UNC13C: variants seen among roughly 807,000 people sequenced by gnomAD.
UNC13C encodes the protein unc-13 homolog C, also known as protein unc-13 homolog C.
In UNC13C, 174 loss-of-function variants were observed where a neutral mutation model predicts 245.4. That is an observed-to-expected ratio of 0.71 (90% CI 0.63 to 0.80). The LOEUF (loss-of-function observed/expected upper bound fraction) is 0.80. Among genes scored for constraint, UNC13C ranks in the 30% least tolerant of loss-of-function variants. The pLI, the probability that UNC13C is intolerant of heterozygous loss-of-function variation, is 0.00. For missense variants in UNC13C, 2,829 were observed against 2,602.9 expected, an observed-to-expected ratio of 1.09 and a Z score of -1.89; for synonymous variants, 992 against 895.1, an observed-to-expected ratio of 1.11 and a Z score of -1.93.
intron 19 of UNC13C, among the ~76,000 whole-genome samples, chr15:54,451,028 C>A (rs1280330122): frequency 6.6e-6 from 1 of 151,418 alleles, no homozygotes; most frequent in African/African-American, 2.4e-5. Flanking sequence ...TGGATACTTT[C>A]TTTTTCTTTT....
intron 27 of UNC13C, among the ~76,000 whole-genome samples, chr15:54,548,334 G>A (rs1896586696): frequency 6.9e-6 from 1 of 144,358 alleles, no homozygotes; most frequent in Non-Finnish European, 1.5e-5. Flanking sequence ...CCATTCTCCT[G>A]CCTCAGCCTC....
At position 54,494,735 on chromosome 15, in the gene UNC13C, G is replaced by T. The variant is rs760434586; in HGVS notation, c.5060+1G>T. 1.5e-5 allele frequency: 24 copies of T among 1,609,392 alleles called. No homozygotes were observed. Among genetic ancestry groups the T allele is most frequent in the Non-Finnish European group, 2.0e-5 (23 of 1,177,950 alleles). The stretch of plus-strand genomic sequence containing the variant: ...AGGATGCTGTTCCTGAATACTCCTT[G>T]TAAGTAGTGATTTTAACACACACAC... On this transcript the variant is annotated splice_donor_variant, in intron 20 of 32. Transcript: ENST00000260323. LOFTEE classifies it high-confidence loss of function.
intron 17 of UNC13C, among the ~76,000 whole-genome samples, chr15:54,368,952 G>A (rs955640697): frequency 1.3e-5 from 2 of 152,072 alleles, no homozygotes; most frequent in Non-Finnish European, 2.9e-5. Flanking sequence ...ACATAACCAT[G>A]TTAAACAATT....
chr15:54,107,444 A>G (rs1165354725), intron 2 of UNC13C, among the ~76,000 whole-genome samples: 4 of 152,228 alleles, frequency 2.6e-5, no homozygotes, highest in Admixed American at 2.6e-4. Flanking sequence ...CTTGATAAAC[A>G]TAAGGAGGTG....
chr15:54,347,390 A>T (rs4506835), intron 17 of UNC13C, among the ~76,000 whole-genome samples: 9,724 of 152,242 alleles, frequency 0.064, 385 homozygotes, highest in Admixed American at 0.11. Flanking sequence ...TCTGCCTAAG[A>T]TTCTGCTATT....
intron 18 of UNC13C, among the ~76,000 whole-genome samples, chr15:54,406,613 C>T (rs1372956070): frequency 2.0e-5 from 3 of 152,120 alleles, no homozygotes; most frequent in Non-Finnish European, 4.4e-5. Context: ...CAGTTTGGAA[C>T]TACAAAGCAA....
At chr15:54,181,993 G>A (rs2033816274) in intron 4 of UNC13C, among the ~76,000 whole-genome samples, 2 of 152,030 alleles carry the variant, frequency 1.3e-5, no homozygotes, top group South Asian at 4.2e-4. Context: ...GAGATAGTTT[G>A]AGTTCTTCTT....
At chr15:54,253,869 A>G (rs2036215388) in intron 8 of UNC13C, among the ~76,000 whole-genome samples, 1 of 152,246 alleles carries the variant, frequency 6.6e-6, no homozygotes, top group Admixed American at 6.5e-5. Context: ...AAATGCAAAT[A>G]ATCATGGCAC....
chr15:54,264,982 C>T (rs1377208242), intron 9 of UNC13C, among the ~76,000 whole-genome samples: 1 of 151,882 alleles, frequency 6.6e-6, no homozygotes, highest in East Asian at 1.9e-4. Context: ...TGACGGCAGA[C>T]TCATAAATAA....
At chr15:54,405,872 CTA>C (rs1856466745) in intron 18 of UNC13C, among the ~76,000 whole-genome samples, 1 of 151,932 alleles carries the variant, frequency 6.6e-6, no homozygotes, top group Non-Finnish European at 1.5e-5. Context: ...ATTCTGGCTG[CTA>C]AAATGGTTTG....
In UNC13C at chr15:54,147,010, G is replaced by T. The variant is rs562068120; in HGVS notation, c.3071+3326G>T. 2.6e-5 allele frequency among the ~76,000 whole-genome samples: 4 copies of T among 152,274 alleles called. No individual in the cohort carries two copies. In the South Asian group the frequency reaches 8.3e-4, roughly 32 times the overall value. On this transcript the variant is annotated intron_variant, in intron 4 of 32. Transcript: ENST00000260323. ...GTCTTTCATTGGGTACAAGTAGCCA[G>T]CTCTATTATCTCCACCAAGTTTAGC...
chr15:54,424,575 C>G (rs1029413840), intron 19 of UNC13C, among the ~76,000 whole-genome samples: 1 of 151,778 alleles, frequency 6.6e-6, no homozygotes. Context: ...TTAGATCAAA[C>G]CTTTTCAAGC....
At chr15:54,621,774 CA>C (rs1900809757) in intron 30 of UNC13C, among the ~76,000 whole-genome samples, 1 of 152,142 alleles carries the variant, frequency 6.6e-6, no homozygotes, top group South Asian at 2.1e-4. Flanking sequence ...CTTTCCAACA[CA>C]ATAAGTTTAA....
intron 2 of UNC13C, among the ~76,000 whole-genome samples, chr15:54,129,031 C>T (rs2031245017): frequency 6.6e-6 from 1 of 152,186 alleles, no homozygotes; most frequent in Non-Finnish European, 1.5e-5. Context: ...GGTGGAAGTT[C>T]AGGCTTTGAG....
At chr15:54,268,230 G>A (rs2140896239) in intron 10 of UNC13C, among the ~76,000 whole-genome samples, 1 of 151,474 alleles carries the variant, frequency 6.6e-6, no homozygotes, top group South Asian at 2.1e-4. Context: ...CTTCTGTAAT[G>A]TCTAACCTGC....
intron 17 of UNC13C, 125 bp downstream of exon 17, chr15:54,338,614 A>T: frequency 9.6e-7 from 1 of 1,041,578 alleles, no homozygotes; most frequent in Non-Finnish European, 1.4e-6. Flanking sequence ...CAAATTTGAG[A>T]ATTTCCATAC....
chr15:54,116,772 T>G (rs1436799453), intron 2 of UNC13C, among the ~76,000 whole-genome samples: 1 of 152,142 alleles, frequency 6.6e-6, no homozygotes, highest in Non-Finnish European at 1.5e-5. Context: ...ATATTGATTT[T>G]CTTTCTTTTG....
intron 2 of UNC13C, among the ~76,000 whole-genome samples, chr15:54,116,723 G>C (rs1198456113): frequency 6.6e-6 from 1 of 152,122 alleles, no homozygotes; most frequent in Non-Finnish European, 1.5e-5. Context: ...ATTGTAAATA[G>C]TGCTGCGATA....
intron 19 of UNC13C, among the ~76,000 whole-genome samples, chr15:54,480,159 G>T (rs74822433): frequency 0.014 from 2,198 of 152,090 alleles, 45 homozygotes; most frequent in African/African-American, 0.049. Context: ...GAAGCTTTTG[G>T]ATTGAATCTG....
Sources: gnomAD v4.1 joint callset for allele counts (sites outside exome capture counted in the v4.1 genomes callset) on GRCh38, gnomAD v4.1.1 for gene constraint, MANE v1.5 for transcripts, NCBI Gene and HGNC (gene_info 2026-07-23, HGNC 2026-07-21) for gene names.